Variants in CSNK2A2 observed in about 807,000 individuals in gnomAD.
CSNK2A2 encodes the protein casein kinase 2 alpha 2, also known as casein kinase II subunit alpha'.
In CSNK2A2, 8 loss-of-function variants were observed where a neutral mutation model predicts 54.0. The observed-to-expected ratio is 0.15, with a 90% CI of 0.09 to 0.27. The LOEUF (loss-of-function observed/expected upper bound fraction) is 0.27, where lower values mean the gene tolerates loss of function less well. CSNK2A2 is among the 10% of genes least tolerant of loss of function. The pLI, the probability that CSNK2A2 is intolerant of heterozygous loss-of-function variation, is 1.00. For synonymous variants in CSNK2A2, 141 were observed against 153.9 expected, an observed-to-expected ratio of 0.92 and a Z score of 0.62; for missense variants, 242 against 439.4, an observed-to-expected ratio of 0.55 and a Z score of 4.02.
Position 58,166,673 on chromosome 16 carries a change from A to G in CSNK2A2, c.738T>C (p.Ile246=). The G allele has an allele frequency of 1.2e-6, 2 of 1,613,418 alleles. No individual in the cohort carries two copies. Among genetic ancestry groups the G allele is most frequent in the Non-Finnish European group, 1.7e-6 (2 of 1,179,520 alleles). ...GQDNYDQLVR[I]AKVLGTEELY... Reference sequence around the variant, plus strand: ...GTTCTTCTGTACCCAGAACCTTGGCAATGCGAACAAGCTGAAACACAAAAC... The same window carrying G: ...GTTCTTCTGTACCCAGAACCTTGGCGATGCGAACAAGCTGAAACACAAAAC... Residue 246 remains isoleucine, a synonymous_variant, in exon 9 of 12, where the codon ATT becomes ATC. Coordinates refer to ENST00000262506, the MANE Select transcript of CSNK2A2 (RefSeq NM_001896.4).
intron 4 of CSNK2A2, among the ~76,000 whole-genome samples, chr16:58,181,266 A>C (rs892664927): frequency 5.3e-5 from 8 of 152,246 alleles, no homozygotes; most frequent in African/African-American, 1.9e-4. Flanking sequence ...CAAACTGAAC[A>C]ACCTCAGAAA....
At chr16:58,180,232 A>AT (rs1469704733) in intron 4 of CSNK2A2, among the ~76,000 whole-genome samples, 1 of 152,066 alleles carries the variant, frequency 6.6e-6, no homozygotes, top group Admixed American at 6.5e-5. Context: ...AACAAAAACA[A>AT]TAACTGAGCA....
chr16:58,163,008 TG>T (rs1277593529), intron 11 of CSNK2A2: 1 of 152,130 alleles, frequency 6.6e-6, no homozygotes. Flanking sequence ...CATATTACCC[TG>T]ATTACAGTGG....
intron 2 of CSNK2A2, among the ~76,000 whole-genome samples, chr16:58,191,370 TA>T (rs1962317137): frequency 6.6e-6 from 1 of 152,204 alleles, no homozygotes; most frequent in African/African-American, 2.4e-5. Context: ...TATTTTATTT[TA>T]TTTTTTTTTA....
chr16:58,170,585 T>C (rs534723808), intron 5 of CSNK2A2, among the ~76,000 whole-genome samples: 2 of 152,226 alleles, frequency 1.3e-5, no homozygotes, highest in African/African-American at 4.8e-5. Flanking sequence ...TGCGTCACTT[T>C]TACTCCCACC....
chr16:58,168,356 C>T (rs1269587456), intron 6 of CSNK2A2, among the ~76,000 whole-genome samples: 2 of 152,214 alleles, frequency 1.3e-5, no homozygotes, highest in Admixed American at 6.5e-5. Context: ...TAATTTCTTT[C>T]TGAGGCCCTC....
At chr16:58,172,570 G>A (rs1961772565) in intron 5 of CSNK2A2, among the ~76,000 whole-genome samples, 1 of 152,148 alleles carries the variant, frequency 6.6e-6, no homozygotes, top group Admixed American at 6.5e-5. Context: ...TTGTCCAAAG[G>A]AATAAACTAA....
chr16:58,167,186 A>G, intron 8 of CSNK2A2, 21 bp downstream of exon 8: 1 of 1,577,252 alleles, frequency 6.3e-7, no homozygotes, highest in Non-Finnish European at 8.7e-7. Context: ...AATAAATAAG[A>G]ACCAGAAAGC....
chr16:58,178,720 A>G (rs1341623525), intron 4 of CSNK2A2, among the ~76,000 whole-genome samples: 2 of 152,196 alleles, frequency 1.3e-5, no homozygotes, highest in Non-Finnish European at 2.9e-5. Flanking sequence ...ATGAAGCATA[A>G]AAACTGCTGA....
intron 2 of CSNK2A2, among the ~76,000 whole-genome samples, chr16:58,196,463 A>C (rs1478279321): frequency 1.3e-5 from 2 of 152,078 alleles, no homozygotes; most frequent in African/African-American, 4.8e-5. Flanking sequence ...TCTACAAAAA[A>C]ATTTTAAAAA....
At chr16:58,187,164 A>T (rs138537691) in intron 2 of CSNK2A2, among the ~76,000 whole-genome samples, 2 of 151,200 alleles carry the variant, frequency 1.3e-5, no homozygotes, top group African/African-American at 2.4e-5. Flanking sequence ...GGCTTACTAG[A>T]TAACTGCCAA....
At chr16:58,196,902 C>T (rs1376112789) in intron 1 of CSNK2A2, 58 bp from the exon 2 acceptor site, 1 of 1,031,170 alleles carries the variant, frequency 9.7e-7, no homozygotes, top group African/African-American at 1.6e-5. Context: ...AAGCCTATGC[C>T]CACTGTACAC....
At chr16:58,163,923 G>T (rs1429085453) in intron 11 of CSNK2A2, 131 bp downstream of exon 11, 1 of 697,440 alleles carries the variant, frequency 1.4e-6, no homozygotes, top group African/African-American at 1.8e-5. Context: ...CTTTTTGACA[G>T]ACTTTTAGGT....
In CSNK2A2 at chr16:58,169,421, C is replaced by T. The variant is rs74993499; in HGVS notation, c.430-728G>A. On this transcript the variant is annotated intron_variant, in intron 5 of 11. Transcript: ENST00000262506. ...GTGCGTGCCTGTAATCCCAGCCACT[C>T]GACTGGGCTGAGGCTGGAGAACTGC... is the stretch of plus-strand genomic sequence containing the variant. 3.2e-4 allele frequency among the ~76,000 whole-genome samples: 49 copies of T among 152,032 alleles called. No individual in the cohort carries two copies. The East Asian group carries it at 8.5e-3, about 26-fold the overall frequency.
At chr16:58,170,310 T>G (rs938008470) in intron 5 of CSNK2A2, among the ~76,000 whole-genome samples, 1 of 152,098 alleles carries the variant, frequency 6.6e-6, no homozygotes, top group Non-Finnish European at 1.5e-5. Context: ...GGTATAGATT[T>G]GCCTTTTCTG....
intron 5 of CSNK2A2, among the ~76,000 whole-genome samples, chr16:58,171,977 A>T (rs140720074): frequency 9.9e-4 from 34 of 34,294 alleles, no homozygotes; most frequent in African/African-American, 4.6e-3. Flanking sequence ...ATATATATAT[A>T]TATTTTTTTT....
At chr16:58,162,438 A>G (rs1307853657) in intron 11 of CSNK2A2, 2 of 152,176 alleles carry the variant, frequency 1.3e-5, no homozygotes, top group Non-Finnish European at 2.9e-5. Flanking sequence ...ACTCAACTCT[A>G]TAATAAGAGA....
At chr16:58,191,723 GA>G (rs940594895) in intron 2 of CSNK2A2, among the ~76,000 whole-genome samples, 6 of 152,204 alleles carry the variant, frequency 3.9e-5, no homozygotes, top group African/African-American at 1.2e-4. Flanking sequence ...CAGACCCTTT[GA>G]ATCTCATTAG....
At chr16:58,194,624 C>G (rs983823887) in intron 2 of CSNK2A2, among the ~76,000 whole-genome samples, 3 of 152,214 alleles carry the variant, frequency 2.0e-5, no homozygotes, top group Non-Finnish European at 2.9e-5. Context: ...GCTCAACGTT[C>G]AGATCCTACA....
Sources: allele counts gnomAD v4.1 joint callset (sites outside exome capture counted in the v4.1 genomes callset), GRCh38; gene constraint gnomAD v4.1.1; transcripts MANE v1.5; gene names NCBI Gene and HGNC (gene_info 2026-07-23, HGNC 2026-07-21).